The following LRP1B variants were observed in gnomAD, a reference collection of about 807,000 sequenced individuals.
LRP1B encodes the protein low-density lipoprotein receptor-related protein 1B.
Under a neutral mutation model 556.6 loss-of-function variants are expected in LRP1B, and 217 were observed. The observed-to-expected ratio is 0.39, with a 90% confidence interval of 0.35 to 0.44. LRP1B has a LOEUF of 0.44. LRP1B is among the 20% of genes least tolerant of loss of function. The pLI, the probability that LRP1B is intolerant of heterozygous loss-of-function variation, is 1.00. For missense variants in LRP1B, 5,053 were observed against 5,620.8 expected, an observed-to-expected ratio of 0.90 and a Z score of 3.23; for synonymous variants, 2,047 against 1,865.8, an observed-to-expected ratio of 1.10 and a Z score of -2.50.
intron 11 of LRP1B, among the ~76,000 whole-genome samples, chr2:141,026,383 G>A (rs978479644): frequency 1.2e-4 from 18 of 151,922 alleles, no homozygotes; most frequent in Admixed American, 1.1e-3. Flanking sequence ...AATGTTTACT[G>A]AACTTTAAAA....
intron 41 of LRP1B, among the ~76,000 whole-genome samples, chr2:140,659,357 C>T (rs768176724): frequency 2.6e-5 from 4 of 151,858 alleles, no homozygotes; most frequent in Non-Finnish European, 5.9e-5. Context: ...TAACTTTAAT[C>T]TATTTTCAGC....
chr2:141,083,631 C>T (rs548319774), intron 7 of LRP1B, among the ~76,000 whole-genome samples: 4 of 152,164 alleles, frequency 2.6e-5, no homozygotes, highest in South Asian at 2.1e-4. Flanking sequence ...GCTCTGCTTT[C>T]GTAAGTGGAT....
intron 1 of LRP1B, among the ~76,000 whole-genome samples, chr2:141,979,065 T>A (rs891347739): frequency 2.0e-5 from 3 of 152,000 alleles, no homozygotes; most frequent in African/African-American, 7.2e-5. Context: ...GAGAGTCATA[T>A]AAAGTTATAA....
chr2:140,260,340 G>GT (rs1470061580), intron 86 of LRP1B, among the ~76,000 whole-genome samples: 1 of 151,686 alleles, frequency 6.6e-6, no homozygotes, highest in Non-Finnish European at 1.5e-5. Context: ...ATTTTCTTCT[G>GT]TTTTTAAAAG....
chr2:140,460,532 G>GC (rs1687275713), intron 60 of LRP1B, among the ~76,000 whole-genome samples: 1 of 152,058 alleles, frequency 6.6e-6, no homozygotes, highest in Non-Finnish European at 1.5e-5. Flanking sequence ...AAAGTTATAT[G>GC]ACCAGTTGTC....
intron 1 of LRP1B, among the ~76,000 whole-genome samples, chr2:141,924,329 T>C (rs1000954868): frequency 6.6e-6 from 1 of 152,036 alleles, no homozygotes. Context: ...GAAGATCATC[T>C]TCCCACTCCA....
chr2:141,238,389 A>T (rs1683737224), intron 5 of LRP1B, among the ~76,000 whole-genome samples: 1 of 152,162 alleles, frequency 6.6e-6, no homozygotes, highest in Admixed American at 6.6e-5. Flanking sequence ...TTTATAAAGT[A>T]ATTTCAGTTT....
At chr2:140,306,861 T>C (rs1319007972) in intron 83 of LRP1B, among the ~76,000 whole-genome samples, 2 of 152,204 alleles carry the variant, frequency 1.3e-5, no homozygotes, top group Non-Finnish European at 2.9e-5. Flanking sequence ...GTTGTGTCTT[T>C]GTTCTCATTG....
intron 86 of LRP1B, among the ~76,000 whole-genome samples, chr2:140,255,231 T>C (rs1485424917): frequency 6.6e-6 from 1 of 152,150 alleles, no homozygotes; most frequent in African/African-American, 2.4e-5. Flanking sequence ...TTCACACACA[T>C]TTCTTTCCTA....
intron 41 of LRP1B, among the ~76,000 whole-genome samples, chr2:140,602,521 A>G (rs889443085): frequency 1.3e-5 from 2 of 151,948 alleles, no homozygotes; most frequent in Non-Finnish European, 2.9e-5. Context: ...CACTTTTTTC[A>G]GTCATACCAA....
At chr2:140,903,336 T>C (rs551851570) in intron 22 of LRP1B, among the ~76,000 whole-genome samples, 171 bp from the exon 23 acceptor site, 1 of 152,144 alleles carries the variant, frequency 6.6e-6, no homozygotes, top group Non-Finnish European at 1.5e-5. Flanking sequence ...GAAATGATGA[T>C]AGGATTTAAC....
intron 3 of LRP1B, among the ~76,000 whole-genome samples, chr2:141,343,926 C>T (rs775540693): frequency 1.2e-4 from 19 of 152,142 alleles, no homozygotes; most frequent in Admixed American, 8.5e-4. Context: ...GAATTCCCAG[C>T]TCTCTCTCTC....
intron 35 of LRP1B, among the ~76,000 whole-genome samples, chr2:140,746,964 T>G (rs1559092793): frequency 6.6e-6 from 1 of 152,008 alleles, no homozygotes; most frequent in African/African-American, 2.4e-5. Context: ...CCTAATGTAT[T>G]AAAAAAACAT....
chr2:140,795,561 A>G (rs191684372), intron 32 of LRP1B, among the ~76,000 whole-genome samples: 2 of 152,172 alleles, frequency 1.3e-5, no homozygotes, highest in Non-Finnish European at 2.9e-5. Flanking sequence ...ACCATATCAG[A>G]TAACGCTGAT....
At chr2:141,592,597 C>A (rs1687379500) in intron 2 of LRP1B, among the ~76,000 whole-genome samples, 1 of 152,124 alleles carries the variant, frequency 6.6e-6, no homozygotes, top group Admixed American at 6.5e-5. Context: ...AAAATGATCA[C>A]CGGACACAGA....
chr2:141,651,030 C>T (rs1051104641), intron 2 of LRP1B, among the ~76,000 whole-genome samples: 1 of 152,182 alleles, frequency 6.6e-6, no homozygotes, highest in African/African-American at 2.4e-5. Flanking sequence ...TCGTTCAAAT[C>T]TTATCCATGC....
chr2:141,777,175 A>G (rs914201509), intron 2 of LRP1B, among the ~76,000 whole-genome samples: 13 of 152,344 alleles, frequency 8.5e-5, no homozygotes, highest in African/African-American at 2.6e-4. Flanking sequence ...CAGTACAGAT[A>G]TGGTGAACAT....
intron 35 of LRP1B, among the ~76,000 whole-genome samples, chr2:140,748,858 T>TC (rs1559094854): frequency 7.2e-6 from 1 of 138,992 alleles, no homozygotes; most frequent in Non-Finnish European, 1.5e-5. Context: ...ATAATATATA[T>TC]ACACACACAC....
At chr2:141,108,330 GTTTC>G (rs1558865765) in intron 7 of LRP1B, among the ~76,000 whole-genome samples, 1 of 66,598 alleles carries the variant, frequency 1.5e-5, no homozygotes, top group Non-Finnish European at 3.2e-5. Flanking sequence ...TTTATAATCT[GTTTC>G]TTTTTTTTTT....
Sources: gnomAD v4.1 joint callset for allele counts (sites outside exome capture counted in the v4.1 genomes callset) on GRCh38, gnomAD v4.1.1 for gene constraint, MANE v1.5 for transcripts, NCBI Gene and HGNC (gene_info 2026-07-23, HGNC 2026-07-21) for gene names.